Variants in INA observed in about 807,000 individuals in gnomAD.
The protein encoded by INA is internexin neuronal intermediate filament protein alpha, also known as alpha-internexin.
In INA, 35 loss-of-function variants were observed where a neutral mutation model predicts 40.1. The ratio of observed to expected loss-of-function variants is 0.87; its 90% CI spans 0.67 to 1.16. The LOEUF (loss-of-function observed/expected upper bound fraction) is 1.16, where lower values mean the gene tolerates loss of function less well. INA is among the 50% of genes most tolerant of loss of function. The pLI is 0.00. For synonymous variants in INA, 290 were observed against 316.9 expected (o/e 0.92, Z 0.90); for missense variants, 594 against 686.7 (o/e 0.87, Z 1.51).
intron 2 of INA, 25 bp downstream of exon 2, chr10:103,287,184 G>T: frequency 6.2e-7 from 1 of 1,606,566 alleles, no homozygotes; most frequent in Non-Finnish European, 8.5e-7. Context: ...CTGCTTACCC[G>T]AGTAAATCCA....
Position 103,278,183 on chromosome 10 carries a change from C to G in INA, c.972C>G (p.Ile324Met). The change falls in exon 1 of 3, where the codon ATC (isoleucine) becomes ATG (methionine). Residue 324 changes from isoleucine to methionine, a missense_variant. Transcript: ENST00000369849. The surrounding 1 kb of genome is among the most constrained non-coding windows in gnomAD (Gnocchi z 4.9). ...EYRRQLQART[I>M]EIEGLRGANE... ...GGCGCCAGCTGCAGGCGCGCACCAT[C>G]GAGATCGAGGGCCTGCGCGGGGCCA... 1 of 1,610,234 alleles carries G rather than the reference C, an allele frequency of 6.2e-7. No individual in the cohort carries two copies. Among genetic ancestry groups the G allele is most frequent in the Non-Finnish European group, 8.5e-7 (1 of 1,178,762 alleles).
chr10:103,280,721 T>C, intron 1 of INA: 2 of 985,402 alleles, frequency 2.0e-6, no homozygotes, highest in Non-Finnish European at 2.4e-6. Flanking sequence ...CAATAGTGGA[T>C]GAGAGAGTCT....
In INA at chr10:103,277,330, C is replaced by G. The variant is rs775444664; in HGVS notation, c.119C>G (p.Ser40Trp). Residue 40 changes from serine to tryptophan, a missense_variant, in exon 1 of 3, where the codon TCG (serine) becomes TGG (tryptophan). Around this residue, in one of 2 missense-constraint regions of INA, gnomAD observed 215 missense variants for 190.6 expected, o/e 1.13. Coordinates refer to ENST00000369849, the MANE Select transcript of INA (RefSeq NM_032727.4). This position sits in a 1 kb window ranked among gnomAD's most constrained non-coding sequence, Gnocchi z 5.6. ...SGAGGAGGFR[S>W]QSLSRSNVAS... ...GCCGGCGGCGCGGGCGGCTTCCGCT[C>G]GCAGTCGCTGTCCCGCAGCAATGTG... 1.3e-6 allele frequency: 2 copies of G among 1,583,626 alleles called. No individual in the cohort carries two copies. The highest frequency in any genetic ancestry group is 2.3e-5 in the South Asian group (2 of 88,556).
In INA at chr10:103,277,197, C is replaced by T. The variant is rs768238921; in HGVS notation, c.-15C>T. Reference sequence around the variant, plus strand: ...CTCGCGTTGAAGCCGCACGTCCGGCCCCGATCCCGGCACCATGAGCTTCGG... The same window carrying T: ...CTCGCGTTGAAGCCGCACGTCCGGCTCCGATCCCGGCACCATGAGCTTCGG... On this transcript the variant is annotated 5_prime_UTR_variant, in exon 1 of 3. Coordinates refer to ENST00000369849, the MANE Select transcript of INA (RefSeq NM_032727.4). This position sits in a 1 kb window ranked among gnomAD's most constrained non-coding sequence, Gnocchi z 5.6. 1.3e-6 allele frequency: 2 copies of T among 1,568,214 alleles called. No homozygotes were observed. Among genetic ancestry groups the T allele is most frequent in the South Asian group, 1.2e-5 (1 of 86,838 alleles).
At position 103,277,368 on chromosome 10, in the gene INA, GCCTGCTCCTCGGCCT is replaced by G; in HGVS notation, c.159_173del (p.Cys54_Ser58del). 6.4e-7 allele frequency: 1 copy of G among 1,566,542 alleles called. No individual in the cohort carries two copies. On this transcript the variant is annotated inframe_deletion, in exon 1 of 3. Coordinates refer to ENST00000369849, the MANE Select transcript of INA (RefSeq NM_032727.4). This position sits in a 1 kb window ranked among gnomAD's most constrained non-coding sequence, Gnocchi z 5.6. ...CCGCAGCAATGTGGCCTCCTCGGCC[GCCTGCTCCTCGGCCT>G]CGTCGCTCGGCCTCGGCCTGGCCTA... is the stretch of plus-strand genomic sequence containing the variant.
rs568142314 is a variant in INA, at chr10:103,277,683, A to G, written c.472A>G (p.Ser158Gly). ...RDLRAQLEEA[S>G]SARSQALLER... is the part of the protein sequence containing the mutation. ...CCTGCGCGCGCAGCTGGAGGAGGCC[A>G]GCTCGGCTCGCTCGCAGGCCCTGCT... The change falls in exon 1 of 3, where the codon AGC becomes GGC. Residue 158 changes from serine to glycine, a missense_variant. Ser to Gly is a moderately conservative substitution (Grantham distance 56, BLOSUM62 0). Coordinates refer to ENST00000369849, the MANE Select transcript of INA (RefSeq NM_032727.4). The surrounding 1 kb of genome is among the most constrained non-coding windows in gnomAD (Gnocchi z 5.6). The G allele has an allele frequency of 1.8e-4, 245 of 1,374,546 alleles. No individual in the cohort carries two copies. The highest frequency in any genetic ancestry group is 2.1e-4 in the Non-Finnish European group (226 of 1,074,584). 85.1% of individuals were successfully genotyped at this position (1,374,546 alleles called of 1,614,324 possible).
chr10:103,280,400 C>A, intron 1 of INA: 2 of 985,464 alleles, frequency 2.0e-6, no homozygotes. Context: ...ACTGTTCTAA[C>A]AATCTTAGCA....
Position 103,277,509 on chromosome 10 carries a change from G to A in INA, c.298G>A (p.Gly100Ser). 1 of 1,589,032 alleles carries A rather than the reference G, an allele frequency of 6.3e-7. No homozygotes were observed. Among genetic ancestry groups the A allele is most frequent in the East Asian group, 2.3e-5 (1 of 42,618 alleles). ...IRTNEKEQLQGLNDRFAVFIE... is the reference protein window; with the variant it reads ...IRTNEKEQLQSLNDRFAVFIE... Reference sequence around the variant, plus strand: ...CACCAACGAGAAGGAGCAGCTGCAGGGCCTCAACGACCGCTTCGCCGTGTT... The same window carrying A: ...CACCAACGAGAAGGAGCAGCTGCAGAGCCTCAACGACCGCTTCGCCGTGTT... Residue 100 changes from glycine (G) to serine (S), a missense_variant, in exon 1 of 3, where the codon GGC (glycine) becomes AGC (serine). Around this residue, in one of 2 missense-constraint regions of INA, gnomAD observed 215 missense variants for 190.6 expected, o/e 1.13. Coordinates refer to ENST00000369849, the MANE Select transcript of INA (RefSeq NM_032727.4). The surrounding 1 kb of genome is among the most constrained non-coding windows in gnomAD (Gnocchi z 5.6).
intron 1 of INA, among the ~76,000 whole-genome samples, chr10:103,283,783 T>C (rs1431617212): frequency 6.9e-6 from 1 of 145,096 alleles, no homozygotes; most frequent in Non-Finnish European, 1.5e-5. Context: ...GGAGTTTTGC[T>C]CTTGTTGCCC....
chr10:103,279,623 G>A (rs2093068523), intron 1 of INA, among the ~76,000 whole-genome samples: 1 of 152,210 alleles, frequency 6.6e-6, no homozygotes, highest in South Asian at 2.1e-4. Flanking sequence ...TTTACATTTG[G>A]TGAGATTAAT....
At position 103,277,792 on chromosome 10, in the gene INA, G is replaced by C; in HGVS notation, c.581G>C (p.Arg194Pro). 3 of 1,516,010 alleles carry C rather than the reference G, an allele frequency of 2.0e-6. No homozygotes were observed. Among genetic ancestry groups the C allele is most frequent in the Non-Finnish European group, 2.6e-6 (3 of 1,138,704 alleles). 93.9% of individuals were successfully genotyped at this position (1,516,010 alleles called of 1,614,324 possible). ...AGCCGCGGACGCGAAGGCGCCGAGC[G>C]CGCCCTGAAGGCGCAGCAGCGCGAC... Reference protein sequence around the residue: ...EESRGREGAERALKAQQRDVD... With the variant: ...EESRGREGAEPALKAQQRDVD... Residue 194 changes from arginine to proline, a missense_variant, in exon 1 of 3, where the codon CGC becomes CCC. By Grantham distance (103) the Arg-to-Pro change is moderately radical. Coordinates refer to ENST00000369849, the MANE Select transcript of INA (RefSeq NM_032727.4). This position sits in a 1 kb window ranked among gnomAD's most constrained non-coding sequence, Gnocchi z 5.6.
chr10:103,284,016 G>A (rs973382069), intron 1 of INA, among the ~76,000 whole-genome samples: 2 of 151,696 alleles, frequency 1.3e-5, no homozygotes, highest in East Asian at 1.9e-4. Flanking sequence ...TGATCCACCC[G>A]CCTCAGCCTC....
intron 1 of INA, among the ~76,000 whole-genome samples, chr10:103,286,335 CAAAAAAAAAAAAAA>C (rs71019675): frequency 2.9e-4 from 15 of 51,702 alleles, no homozygotes; most frequent in Non-Finnish European, 3.9e-4. Context: ...GACCTTGTCT[CAAAAAAAAAAAAAA>C]AAAAAAAAAA....
Position 103,278,922 on chromosome 10 carries a change from C to CACAA in INA, c.1065+649_1065+650insAACA, listed in dbSNP as rs1179890518. On this transcript the variant is annotated intron_variant, in intron 1 of 2. Transcript: ENST00000369849. The surrounding 1 kb of genome is among the most constrained non-coding windows in gnomAD (Gnocchi z 4.9). The stretch of plus-strand genomic sequence containing the variant: ...CCACCAGCACACACACACACACACA[C>CACAA]ACACACACACACGATTCCCTTGTCC... Among the ~76,000 whole-genome samples, 1 of 151,810 alleles carries CACAA rather than the reference C, an allele frequency of 6.6e-6. No individual in the cohort carries two copies. The highest frequency in any genetic ancestry group is 2.4e-5 in the African/African-American group (1 of 41,296).
Position 103,278,901 on chromosome 10 carries a change from C to T in INA, c.1065+625C>T, listed in dbSNP as rs958856282. On this transcript the variant is annotated intron_variant, in intron 1 of 2. Coordinates refer to ENST00000369849, the MANE Select transcript of INA (RefSeq NM_032727.4). This position sits in a 1 kb window ranked among gnomAD's most constrained non-coding sequence, Gnocchi z 4.9. ...ACACACACACGATTCCCTTGTCCAC[C>T]AGCACACACACACACACACACACAC... is the stretch of plus-strand genomic sequence containing the variant. Among the ~76,000 whole-genome samples the T allele has an allele frequency of 1.3e-5, 1 of 74,120 alleles. No homozygotes were observed. The highest frequency in any genetic ancestry group is 3.2e-5 in the Non-Finnish European group (1 of 31,242). The allele number at this position is 74,120 out of a possible 152,430, so 48.6% of individuals were successfully genotyped here. A position where few individuals can be genotyped will look rare whatever the true frequency, so the allele number is the denominator to read the frequency against.
chr10:103,280,012 T>TA, intron 1 of INA: 1 of 1,286,020 alleles, frequency 7.8e-7, no homozygotes, highest in South Asian at 1.2e-5. Flanking sequence ...AAGGATAACT[T>TA]ACTCAGAGCT....
chr10:103,279,369 C>G (rs989775505), intron 1 of INA, among the ~76,000 whole-genome samples: 1 of 152,152 alleles, frequency 6.6e-6, no homozygotes, highest in East Asian at 1.9e-4. Flanking sequence ...TCCCTGTCCT[C>G]TAAGCTCCTG....
At position 103,278,125 on chromosome 10, in the gene INA, TC is replaced by T; in HGVS notation, c.916del (p.Arg306GlyfsTer46). Reference sequence around the variant, plus strand: ...CAGGCGGCGCGCAGCACCGAGGCCATCCGGGCCAGCCGCGAGGAGATCCACG... The same window carrying T: ...CAGGCGGCGCGCAGCACCGAGGCCATCGGGCCAGCCGCGAGGAGATCCACG... ...NEQAARSTEA[I>X]RASREEIHEY... is the part of the protein sequence containing the mutation. On this transcript the variant is annotated frameshift_variant, in exon 1 of 3. Transcript: ENST00000369849. LOFTEE classifies it high-confidence loss of function. The surrounding 1 kb of genome is among the most constrained non-coding windows in gnomAD (Gnocchi z 4.9). 3 of 1,612,702 alleles carry T rather than the reference TC, an allele frequency of 1.9e-6. No individual in the cohort carries two copies. Among genetic ancestry groups the T allele is most frequent in the Non-Finnish European group, 2.5e-6 (3 of 1,179,818 alleles).
intron 1 of INA, among the ~76,000 whole-genome samples, chr10:103,284,175 A>T (rs1189086169): frequency 1.3e-5 from 2 of 150,810 alleles, no homozygotes; most frequent in Non-Finnish European, 2.9e-5. Flanking sequence ...TGGCGCCATC[A>T]TAGCTCACTT....
Sources: gnomAD v4.1 joint callset for allele counts (sites outside exome capture counted in the v4.1 genomes callset) on GRCh38, gnomAD v4.1.1 for gene constraint, gnomAD v4.1.1 regional missense constraint, Gnocchi (gnomAD v3.1) non-coding constraint, MANE v1.5 for transcripts, NCBI Gene and HGNC (gene_info 2026-07-23, HGNC 2026-07-21) for gene names.